The following SDCCAG8 variants were observed in gnomAD, a reference collection of about 807,000 sequenced individuals.
The protein encoded by SDCCAG8 is SHH signaling and ciliogenesis regulator SDCCAG8.
SDCCAG8 carries 74 observed loss-of-function variants against 101.8 expected under a neutral mutation model. The observed-to-expected ratio is 0.73, with a 90% confidence interval of 0.60 to 0.88. The LOEUF is 0.88. Ranked by LOEUF, SDCCAG8 falls within the 40% of genes least tolerant of loss-of-function variation. The pLI is 0.00. For missense variants in SDCCAG8, 787 were observed against 822.6 expected (o/e 0.96, Z 0.53); for synonymous variants, 281 against 292.9 (o/e 0.96, Z 0.41).
chr1:243,431,026 G>A (rs1029160995), intron 16 of SDCCAG8, among the ~76,000 whole-genome samples: 3 of 151,778 alleles, frequency 2.0e-5, no homozygotes, highest in South Asian at 2.1e-4. Context: ...GTGAAACCCC[G>A]TCTCTACCAA....
At chr1:243,356,485 G>A (rs2076391923) in intron 12 of SDCCAG8, among the ~76,000 whole-genome samples, 1 of 151,856 alleles carries the variant, frequency 6.6e-6, no homozygotes. Context: ...CATTCTAAAG[G>A]CATTTATACT....
rs770913941 is a variant in SDCCAG8 at position 243,270,162 on chromosome 1, C to G, written c.125C>G (p.Thr42Ser). The G allele has an allele frequency of 1.9e-6, 3 of 1,614,180 alleles. No homozygotes were observed. Among genetic ancestry groups the G allele is most frequent in the East Asian group, 2.2e-5 (1 of 44,884 alleles). The change falls in exon 2 of 18, where the codon ACT (threonine) becomes AGT (serine). Residue 42 changes from threonine (T) to serine (S), a missense_variant. Physicochemically the swap from Thr to Ser is moderately conservative, Grantham distance 58. Transcript: ENST00000366541. Reference sequence around the variant, plus strand: ...TGTGCCCTGAAAGAAGGCGATGTCACTATTGGAGAAGATGCACCAAATCTT... The same window carrying G: ...TGTGCCCTGAAAGAAGGCGATGTCAGTATTGGAGAAGATGCACCAAATCTT... ...LTCALKEGDV[T>S]IGEDAPNLSF...
chr1:243,415,645 AT>A, intron 13 of SDCCAG8, 56 bp from the exon 14 acceptor site: 1 of 1,612,254 alleles, frequency 6.2e-7, no homozygotes, highest in Non-Finnish European at 8.5e-7. Context: ...AGGGGACATG[AT>A]GGGGGTTTGT....
intron 12 of SDCCAG8, among the ~76,000 whole-genome samples, chr1:243,373,887 G>A (rs1352550733): frequency 6.6e-6 from 1 of 151,956 alleles, no homozygotes; most frequent in African/African-American, 2.4e-5. Flanking sequence ...AATATAAAAG[G>A]ATAGCCAAGT....
In SDCCAG8 at chr1:243,341,160, T is replaced by C. The variant is rs1015302300; in HGVS notation, c.1343T>C (p.Met448Thr). The change falls in exon 11 of 18, where the codon ATG becomes ACG. Residue 448 changes from methionine to threonine, a missense_variant. Coordinates refer to ENST00000366541, the MANE Select transcript of SDCCAG8 (RefSeq NM_006642.5). ...EIQSQLASREMDVTKVCGEMR... is the reference protein window; with the variant it reads ...EIQSQLASRETDVTKVCGEMR... ...CAAAGCCAGCTGGCTTCTCGGGAAATGGATGTCACAAAGGTACAGAAAGAG... is the reference window on the plus strand; with the variant it reads ...CAAAGCCAGCTGGCTTCTCGGGAAACGGATGTCACAAAGGTACAGAAAGAG... 8.1e-6 allele frequency: 13 copies of C among 1,613,910 alleles called. No individual in the cohort carries two copies. In the African/African-American group the frequency reaches 1.2e-4, roughly 15 times the overall value.
At chr1:243,446,076 G>C (rs2082881880) in intron 16 of SDCCAG8, among the ~76,000 whole-genome samples, 1 of 152,060 alleles carries the variant, frequency 6.6e-6, no homozygotes, top group African/African-American at 2.4e-5. Context: ...AGTGTGCCGT[G>C]GACATCATTC....
At chr1:243,430,737 T>C (rs2081689562) in intron 16 of SDCCAG8, among the ~76,000 whole-genome samples, 1 of 152,094 alleles carries the variant, frequency 6.6e-6, no homozygotes, top group Admixed American at 6.5e-5. Flanking sequence ...CGCACCGGGC[T>C]GGTCTTTATG....
intron 10 of SDCCAG8, among the ~76,000 whole-genome samples, chr1:243,337,922 G>A (rs1449434875): frequency 6.6e-6 from 1 of 152,000 alleles, no homozygotes; most frequent in Non-Finnish European, 1.5e-5. Flanking sequence ...CTTCTCTAGG[G>A]GATTTAATTA....
chr1:243,320,057 A>G (rs1298334320), intron 9 of SDCCAG8, among the ~76,000 whole-genome samples: 1 of 152,088 alleles, frequency 6.6e-6, no homozygotes, highest in Admixed American at 6.6e-5. Flanking sequence ...GAACTCACAC[A>G]TTCACTCTCC....
At chr1:243,343,707 G>C (rs2075521289) in intron 11 of SDCCAG8, among the ~76,000 whole-genome samples, 1 of 152,062 alleles carries the variant, frequency 6.6e-6, no homozygotes, top group South Asian at 2.1e-4. Flanking sequence ...GTCAATACTG[G>C]ATATTACAGA....
chr1:243,479,397 T>C (rs1663049259), intron 16 of SDCCAG8, among the ~76,000 whole-genome samples: 1 of 152,232 alleles, frequency 6.6e-6, no homozygotes, highest in African/African-American at 2.4e-5. Flanking sequence ...ATGTTCTCTG[T>C]CGCAGCTACT....
At chr1:243,427,464 T>G (rs1290576022) in intron 16 of SDCCAG8, among the ~76,000 whole-genome samples, 2 of 152,094 alleles carry the variant, frequency 1.3e-5, no homozygotes, top group Non-Finnish European at 2.9e-5. Context: ...AATAGGTTTC[T>G]GTAGACTTGG....
intron 2 of SDCCAG8, 27 bp downstream of exon 2, chr1:243,270,284 G>A: frequency 6.2e-7 from 1 of 1,606,050 alleles, no homozygotes; most frequent in South Asian, 1.1e-5. Flanking sequence ...ATCCTAGTCT[G>A]AATGATGCAT....
intron 16 of SDCCAG8, among the ~76,000 whole-genome samples, chr1:243,431,921 C>T (rs939892119): frequency 6.6e-6 from 1 of 152,116 alleles, no homozygotes; most frequent in Non-Finnish European, 1.5e-5. Context: ...CCATAAAAAC[C>T]ATTGTCTAAA....
intron 16 of SDCCAG8, among the ~76,000 whole-genome samples, chr1:243,427,204 A>T (rs2081397257): frequency 6.6e-6 from 1 of 152,234 alleles, no homozygotes; most frequent in Admixed American, 6.5e-5. Flanking sequence ...CTTTTTCTAG[A>T]TGAAGAAATT....
At chr1:243,488,957 G>T (rs1457470621) in intron 16 of SDCCAG8, 57 bp from the exon 17 acceptor site, 1 of 1,612,112 alleles carries the variant, frequency 6.2e-7, no homozygotes, top group African/African-American at 1.3e-5. Flanking sequence ...ACAGCCCCTG[G>T]GCCTGTTGAA....
At chr1:243,476,979 C>G (rs879619157) in intron 16 of SDCCAG8, among the ~76,000 whole-genome samples, 16 of 150,188 alleles carry the variant, frequency 1.1e-4, no homozygotes, top group Non-Finnish European at 1.9e-4. Flanking sequence ...GTGCATGCAG[C>G]TTACTGTCAA....
chr1:243,445,661 A>G (rs2082850300), intron 16 of SDCCAG8, among the ~76,000 whole-genome samples: 1 of 152,184 alleles, frequency 6.6e-6, no homozygotes, highest in Non-Finnish European at 1.5e-5. Flanking sequence ...AACACCCAAA[A>G]TACATCTTTT....
At chr1:243,375,895 T>G (rs886474807) in intron 12 of SDCCAG8, among the ~76,000 whole-genome samples, 1 of 152,188 alleles carries the variant, frequency 6.6e-6, no homozygotes, top group African/African-American at 2.4e-5. Context: ...GGAGTAAGTG[T>G]TGAGCCCTGG....
Sources: gnomAD v4.1 joint callset for allele counts (sites outside exome capture counted in the v4.1 genomes callset) on GRCh38, gnomAD v4.1.1 for gene constraint, MANE v1.5 for transcripts, NCBI Gene and HGNC (gene_info 2026-07-23, HGNC 2026-07-21) for gene names.